PCDH11X: variants seen among roughly 807,000 people sequenced by gnomAD.
PCDH11X encodes the protein protocadherin-11 X-linked.
PCDH11X carries 18 observed loss-of-function variants against 53.3 expected under a neutral mutation model. That is an observed-to-expected ratio of 0.34 (90% CI 0.23 to 0.50). The LOEUF is 0.50. PCDH11X is among the 20% of genes least tolerant of loss of function. The pLI is 0.98. For synonymous variants in PCDH11X, 279 were observed against 393.3 expected, an observed-to-expected ratio of 0.71 and a Z score of 3.44; for missense variants, 570 against 1,032.4, an observed-to-expected ratio of 0.55 and a Z score of 6.14.
At chrX:92,471,950 A>G in intron 10 of PCDH11X, among the ~76,000 whole-genome samples, 1 of 110,605 alleles carries the variant, frequency 9.0e-6, no homozygotes, top group Non-Finnish European at 1.9e-5. Context: ...TTTTTAATGG[A>G]GTTGTTTTTT....
intron 1 of PCDH11X, among the ~76,000 whole-genome samples, chrX:91,783,946 A>G (rs1935248674): frequency 8.9e-6 from 1 of 111,945 alleles, no homozygotes; most frequent in Non-Finnish European, 1.9e-5. Flanking sequence ...GGTTGAGAAG[A>G]GGTTCATAAA....
chrX:92,423,103 G>A (rs2072015973), intron 9 of PCDH11X, among the ~76,000 whole-genome samples: 1 of 99,345 alleles, frequency 1.0e-5, no homozygotes, highest in Non-Finnish European at 2.2e-5. Flanking sequence ...GCCCGCCTCA[G>A]CCTCCCAAAG....
intron 7 of PCDH11X, among the ~76,000 whole-genome samples, chrX:92,230,008 G>A (rs1043579832): frequency 1.2e-4 from 13 of 110,422 alleles, no homozygotes; most frequent in Non-Finnish European, 2.3e-4. Flanking sequence ...TTAGAAACCC[G>A]GAAATGTGGA....
In PCDH11X at chrX:92,499,116, G is replaced by C. The variant is rs181649858; in HGVS notation, c.3367+30794G>C. The stretch of plus-strand genomic sequence containing the variant: ...TAAATATCAACTAATATTCATTCTA[G>C]TTCTTTTCATATTTTGTTTCTTTCT... On this transcript the variant is annotated intron_variant, in intron 10 of 10. Coordinates refer to ENST00000682573, the MANE Select transcript of PCDH11X (RefSeq NM_032968.5). 1.2e-4 allele frequency among the ~76,000 whole-genome samples: 13 copies of C among 107,145 alleles called. No homozygotes were observed. In the East Asian group the frequency reaches 3.8e-3, roughly 32 times the overall value. The allele number at this position is 107,145 out of a possible 115,157, so 93.0% of individuals were successfully genotyped here.
chrX:92,086,171 A>G (rs1038775566), intron 6 of PCDH11X, among the ~76,000 whole-genome samples: 3 of 111,477 alleles, frequency 2.7e-5, no homozygotes, highest in Admixed American at 9.6e-5. Context: ...CAAACTTAGT[A>G]AGGAAGATTT....
intron 7 of PCDH11X, among the ~76,000 whole-genome samples, chrX:92,217,481 T>C (rs1245278659): frequency 2.0e-5 from 2 of 98,538 alleles, no homozygotes; most frequent in Non-Finnish European, 4.1e-5. Flanking sequence ...GGTAAAGGGA[T>C]CAATTCAACA....
intron 9 of PCDH11X, among the ~76,000 whole-genome samples, chrX:92,451,276 T>C (rs923292266): frequency 3.6e-5 from 4 of 111,103 alleles, no homozygotes; most frequent in Non-Finnish European, 3.8e-5. Context: ...TTTAAATAGT[T>C]AAAATCAGTG....
At chrX:92,400,219 A>G (rs1031448408) in intron 9 of PCDH11X, among the ~76,000 whole-genome samples, 1 of 111,664 alleles carries the variant, frequency 9.0e-6, no homozygotes, top group Non-Finnish European at 1.9e-5. Context: ...GCATTAGCAA[A>G]GCAGAGTACC....
At chrX:92,463,459 T>A (rs1449792148) in intron 9 of PCDH11X, among the ~76,000 whole-genome samples, 3 of 110,571 alleles carry the variant, frequency 2.7e-5, no homozygotes, top group Admixed American at 9.7e-5. Context: ...GGAAATGATC[T>A]GTAAATGGTG....
intron 10 of PCDH11X, among the ~76,000 whole-genome samples, chrX:92,598,129 C>G (rs746664327): frequency 4.5e-5 from 5 of 111,235 alleles, no homozygotes; most frequent in Admixed American, 2.9e-4. Context: ...TCAATCCAGG[C>G]AAAGTTTTCT....
At chrX:92,244,972 C>A (rs192377359) in intron 7 of PCDH11X, among the ~76,000 whole-genome samples, 1 of 111,724 alleles carries the variant, frequency 9.0e-6, no homozygotes, top group Non-Finnish European at 1.9e-5. Context: ...AGCTCTGGTG[C>A]GAATAAACTC....
intron 7 of PCDH11X, among the ~76,000 whole-genome samples, chrX:92,225,502 G>A (rs918152814): frequency 2.7e-5 from 3 of 111,365 alleles, no homozygotes; most frequent in Non-Finnish European, 5.7e-5. Flanking sequence ...AATTATAAAA[G>A]ATGAAACAAA....
intron 10 of PCDH11X, among the ~76,000 whole-genome samples, chrX:92,540,064 A>G (rs2074730835): frequency 9.0e-6 from 1 of 110,595 alleles, no homozygotes; most frequent in African/African-American, 3.3e-5. Flanking sequence ...CCTGGATACC[A>G]CCTATGTTGA....
At chrX:91,947,282 G>C (rs1555969530) in intron 6 of PCDH11X, among the ~76,000 whole-genome samples, 1 of 109,257 alleles carries the variant, frequency 9.2e-6, no homozygotes, top group East Asian at 2.9e-4. Flanking sequence ...TGCAAATCTT[G>C]ATGCGAAGGG....
intron 6 of PCDH11X, among the ~76,000 whole-genome samples, chrX:91,947,280 T>C (rs992272832): frequency 3.7e-5 from 4 of 109,312 alleles, no homozygotes; most frequent in African/African-American, 6.6e-5. Context: ...AGTGCAAATC[T>C]TGATGCGAAG....
chrX:92,137,592 A>G (rs929055091), intron 6 of PCDH11X, among the ~76,000 whole-genome samples: 5 of 111,423 alleles, frequency 4.5e-5, no homozygotes, highest in Non-Finnish European at 9.4e-5. Flanking sequence ...AATGGCTTTT[A>G]GTATATTCAC....
chrX:91,967,391 C>T (rs1238412634), intron 6 of PCDH11X, among the ~76,000 whole-genome samples: 1 of 111,155 alleles, frequency 9.0e-6, no homozygotes, highest in Non-Finnish European at 1.9e-5. Flanking sequence ...AGATCAGCAG[C>T]GTCATTAGAT....
chrX:92,525,631 C>CAAAA (rs60062573), intron 10 of PCDH11X, among the ~76,000 whole-genome samples: 1 of 49,080 alleles, frequency 2.0e-5, no homozygotes, highest in Non-Finnish European at 4.0e-5. Context: ...AACTCTTTCT[C>CAAAA]AAAAAAAAAA....
At chrX:92,082,112 C>T (rs138301881) in intron 6 of PCDH11X, among the ~76,000 whole-genome samples, 2 of 111,282 alleles carry the variant, frequency 1.8e-5, no homozygotes, top group Non-Finnish European at 3.8e-5. Flanking sequence ...AAAGCCAAGA[C>T]CGAAACCCAG....
Sources: gnomAD v4.1 joint callset for allele counts (sites outside exome capture counted in the v4.1 genomes callset) on GRCh38, gnomAD v4.1.1 for gene constraint, MANE v1.5 for transcripts, NCBI Gene and HGNC (gene_info 2026-07-23, HGNC 2026-07-21) for gene names.